Variants in MDM2 observed in about 807,000 individuals in gnomAD.
MDM2 encodes the protein MDM2 proto-oncogene, also known as E3 ubiquitin-protein ligase Mdm2.
MDM2 carries 11 observed loss-of-function variants against 64.3 expected under a neutral mutation model. The ratio of observed to expected loss-of-function variants is 0.17; its 90% confidence interval spans 0.11 to 0.28. MDM2 has a LOEUF of 0.28. Among genes scored for constraint, MDM2 ranks in the 10% least tolerant of loss-of-function variants. MDM2 has a pLI of 1.00. For synonymous variants in MDM2, 194 were observed against 192.9 expected, an observed-to-expected ratio of 1.01 and a Z score of -0.05; for missense variants, 388 against 577.1, an observed-to-expected ratio of 0.67 and a Z score of 3.36.
At chr12:68,827,582 T>C (rs1565740633) in intron 7 of MDM2, among the ~76,000 whole-genome samples, 2 of 152,248 alleles carry the variant, frequency 1.3e-5, no homozygotes, top group African/African-American at 2.4e-5. Context: ...AGTCTTTTTA[T>C]TGAGGACTTT....
chr12:68,847,210 A>AAATATATATATATATATATATATATG (rs1884373826), downstream of MDM2: 1 of 135,132 alleles, frequency 7.4e-6, no homozygotes, highest in African/African-American at 3.1e-5. Context: ...ATATATATAT[A>AAATATATATATATATATATATATATG]TACTTTTTTT....
chr12:68,818,600 AATT>A (rs552528660), intron 4 of MDM2, among the ~76,000 whole-genome samples: 45 of 148,418 alleles, frequency 3.0e-4, no homozygotes, highest in Middle Eastern at 3.6e-3. Flanking sequence ...ATATATGTAT[AATT>A]ATTATTTTTT....
intron 9 of MDM2, 132 bp from the exon 10 acceptor site, chr12:68,836,540 C>G (rs1287409815): frequency 1.4e-6 from 1 of 708,110 alleles, no homozygotes; most frequent in African/African-American, 1.8e-5. Flanking sequence ...CACTCACTTA[C>G]TCTATTTGAT....
rs1186235915 is a variant in MDM2 at position 68,842,351 on chromosome 12, C to T, written c.*2502C>T. The stretch of plus-strand genomic sequence containing the variant: ...GCAGCTGGAAGAAAAGATGATATAA[C>T]AGTTAACAGGATGCAGACATGGCAG... On this transcript the variant is annotated 3_prime_UTR_variant, in exon 11 of 11. Coordinates refer to ENST00000258149, the MANE Select transcript of MDM2 (RefSeq NM_002392.6). The T allele has an allele frequency of 2.0e-6, 1 of 495,826 alleles. No homozygotes were observed. The highest frequency in any genetic ancestry group is 4.0e-6 in the Non-Finnish European group (1 of 250,750). 30.7% of individuals were successfully genotyped at this position (495,826 alleles called of 1,614,324 possible).
At chr12:68,821,718 TAAAAA>T (rs1044232924) in intron 5 of MDM2, among the ~76,000 whole-genome samples, 1 of 149,758 alleles carries the variant, frequency 6.7e-6, no homozygotes, top group Non-Finnish European at 1.5e-5. Flanking sequence ...CCTCATCTCT[TAAAAA>T]AGACAAAAAC....
Position 68,839,385 on chromosome 12 carries a change from A to G in MDM2, c.1030A>G (p.Lys344Glu). Residue 344 changes from lysine (K) to glutamate (E), a missense_variant, in exon 11 of 11, where the codon AAA (lysine) becomes GAA (glutamate). Lys to Glu is a moderately conservative substitution (Grantham distance 56, BLOSUM62 1). Around this residue, in one of 5 missense-constraint regions of MDM2, gnomAD observed 138 missense variants for 143.7 expected, o/e 0.96. Transcript: ENST00000258149. ...GCTTCCTGAAGATAAAGGGAAAGAT[A>G]AAGGGGAAATCTCTGAGAAAGCCAA... ...NWLPEDKGKD[K>E]GEISEKAKLE... 6.2e-7 allele frequency: 1 copy of G among 1,614,028 alleles called. No individual in the cohort carries two copies. The highest frequency in any genetic ancestry group is 8.5e-7 in the Non-Finnish European group (1 of 1,180,010).
At position 68,809,375 on chromosome 12, in the gene MDM2, G is replaced by A. The variant is rs997618445; in HGVS notation, c.99+83G>A. ...CTAAATTTCGTATACCTCAATTGTA[G>A]CATGGCTCTGTAAATAAAATTGTAT... On this transcript the variant is annotated intron_variant, in intron 2 of 10. Transcript: ENST00000258149. The A allele has an allele frequency of 7.4e-6, 9 of 1,210,582 alleles. No individual in the cohort carries two copies. In the Admixed American group the frequency reaches 8.6e-5, roughly 12 times the overall value. The allele number at this position is 1,210,582 out of a possible 1,614,324, so 75.0% of individuals were successfully genotyped here.
chr12:68,808,523 G>T (rs2136104185), intron 1 of MDM2, 32 bp downstream of exon 1: 2 of 1,613,858 alleles, frequency 1.2e-6, no homozygotes, highest in Middle Eastern at 3.3e-4. Flanking sequence ...GTCACTTTTG[G>T]GTCTGGGCTC....
chr12:68,814,206 C>T (rs1488199107), intron 3 of MDM2, among the ~76,000 whole-genome samples: 1 of 152,196 alleles, frequency 6.6e-6, no homozygotes, highest in East Asian at 1.9e-4. Flanking sequence ...GCACCTGCCA[C>T]CACGCCTGGC....
In MDM2 at chr12:68,845,150, GT is replaced by G. The variant is rs942304758; in HGVS notation, c.*5306del. On this transcript the variant is annotated 3_prime_UTR_variant, in exon 11 of 11. Coordinates refer to ENST00000258149, the MANE Select transcript of MDM2 (RefSeq NM_002392.6). ...CAAGTTGTTAATGGCATTGTGAAAA[GT>G]TTTTAGTTGCGCTTTATGGGTGGAT... 4.5e-6 allele frequency: 1 copy of G among 223,804 alleles called. No individual in the cohort carries two copies. The highest frequency in any genetic ancestry group is 2.2e-5 in the African/African-American group (1 of 44,716). 13.9% of individuals were successfully genotyped at this position (223,804 alleles called of 1,614,324 possible). A position where few individuals can be genotyped will look rare whatever the true frequency, so the allele number is the denominator to read the frequency against.
Position 68,841,728 on chromosome 12 carries a change from T to TC in MDM2, c.*1879_*1880insC, listed in dbSNP as rs1447731438. The TC allele has an allele frequency of 2.9e-5, 6 of 205,978 alleles. No individual in the cohort carries two copies. The highest frequency in any genetic ancestry group is 1.4e-4 in the African/African-American group (6 of 43,770). 12.8% of individuals were successfully genotyped at this position (205,978 alleles called of 1,614,324 possible). On this transcript the variant is annotated 3_prime_UTR_variant, in exon 11 of 11. Transcript: ENST00000258149. ...TAGAAACCCGTGAATTCAGAAAAGT[T>TC]AATTCAGAAATTTGATAAACAGAAT...
intron 6 of MDM2, 28 bp downstream of exon 6, chr12:68,824,458 T>C: frequency 6.2e-7 from 1 of 1,606,076 alleles, no homozygotes; most frequent in Non-Finnish European, 8.5e-7. Flanking sequence ...CTCATTCTAA[T>C]GTAATATTAT....
In MDM2 at chr12:68,839,724, G is replaced by A; in HGVS notation, c.1369G>A (p.Val457Ile). 2 of 1,613,884 alleles carry A rather than the reference G, an allele frequency of 1.2e-6. No individual in the cohort carries two copies. Among genetic ancestry groups the A allele is most frequent in the Non-Finnish European group, 1.7e-6 (2 of 1,180,002 alleles). ...AGGTCGACCTAAAAATGGTTGCATT[G>A]TCCATGGCAAAACAGGACATCTTAT... ...CQGRPKNGCIVHGKTGHLMAC... is the reference protein window; with the variant it reads ...CQGRPKNGCIIHGKTGHLMAC... Residue 457 changes from valine (V) to isoleucine (I), a missense_variant, in exon 11 of 11, where the codon GTC becomes ATC. Physicochemically the swap from Val to Ile is conservative, Grantham distance 29. Coordinates refer to ENST00000258149, the MANE Select transcript of MDM2 (RefSeq NM_002392.6).
intron 2 of MDM2, among the ~76,000 whole-genome samples, chr12:68,811,549 C>T (rs1166515404): frequency 1.3e-5 from 2 of 150,562 alleles, no homozygotes; most frequent in Non-Finnish European, 1.5e-5. Flanking sequence ...GCTGTTTTCT[C>T]ATTAATACAT....
intron 3 of MDM2, among the ~76,000 whole-genome samples, chr12:68,813,917 A>G (rs1881130391): frequency 6.6e-6 from 1 of 152,252 alleles, no homozygotes; most frequent in South Asian, 2.1e-4. Flanking sequence ...TTTTAAATGT[A>G]TGAAATAAAA....
At chr12:68,815,919 G>A (rs1279942439) in intron 3 of MDM2, among the ~76,000 whole-genome samples, 5 of 152,078 alleles carry the variant, frequency 3.3e-5, no homozygotes, top group Admixed American at 6.6e-5. Context: ...ATGCAGCACA[G>A]GGAATATAAT....
chr12:68,809,101 G>A, intron 1 of MDM2, 107 bp from the exon 2 acceptor site: 3 of 1,544,192 alleles, frequency 1.9e-6, no homozygotes, highest in South Asian at 1.2e-5. Context: ...GCACCGACTT[G>A]CTTGTAGCTT....
intron 7 of MDM2, among the ~76,000 whole-genome samples, chr12:68,827,345 CAT>C (rs1882427319): frequency 6.6e-6 from 1 of 151,926 alleles, no homozygotes; most frequent in East Asian, 1.9e-4. Flanking sequence ...CAAGATTTTT[CAT>C]ATGTTTATTA....
At position 68,841,788 on chromosome 12, in the gene MDM2, T is replaced by G; in HGVS notation, c.*1939T>G. The G allele has an allele frequency of 4.9e-6, 1 of 205,564 alleles. No homozygotes were observed. Among genetic ancestry groups the G allele is most frequent in the Non-Finnish European group, 9.9e-6 (1 of 100,568 alleles). 12.7% of individuals were successfully genotyped at this position (205,564 alleles called of 1,614,324 possible). On this transcript the variant is annotated 3_prime_UTR_variant, in exon 11 of 11. Coordinates refer to ENST00000258149, the MANE Select transcript of MDM2 (RefSeq NM_002392.6). ...AAAACTAACTGGAAAGATTGTTAAG[T>G]TCTTTCTGAATTATTCAGAAATTAT...
Sources: gnomAD v4.1 joint callset for allele counts (sites outside exome capture counted in the v4.1 genomes callset) on GRCh38, gnomAD v4.1.1 for gene constraint, gnomAD v4.1.1 regional missense constraint, MANE v1.5 for transcripts, NCBI Gene and HGNC (gene_info 2026-07-23, HGNC 2026-07-21) for gene names.